OR5B2: variants seen among roughly 807,000 people sequenced by gnomAD.
OR5B2 encodes the protein olfactory receptor family 5 subfamily B member 2.
For missense variants in OR5B2, 411 were observed against 367.0 expected (o/e 1.12, Z -0.98); for synonymous variants, 163 against 140.8 (o/e 1.16, Z -1.11).
At position 58,426,599 on chromosome 11, in the gene OR5B2, G is replaced by A. The variant is rs140949651; in HGVS notation, c.-29+23C>T. 178 of 152,174 alleles carry A rather than the reference G, an allele frequency of 1.2e-3. 2 individuals carry two copies. The highest frequency in any genetic ancestry group is 4.0e-3 in the African/African-American group (166 of 41,536). 9.4% of individuals were successfully genotyped at this position (152,174 alleles called of 1,614,324 possible). On this transcript the variant is annotated intron_variant, in intron 2 of 2. Transcript: ENST00000641342. ...TCTATTACTACAACCTAAACAGACC[G>A]TAGAACAGAGCTAGAAACTTACCTT...
chr11:58,422,297 A>AT lies in OR5B2; in HGVS notation c.*34dup. The AT allele has an allele frequency of 7.3e-7, 1 of 1,373,456 alleles. No homozygotes were observed. Among genetic ancestry groups the AT allele is most frequent in the Non-Finnish European group, 1.0e-6 (1 of 977,234 alleles). 85.1% of individuals were successfully genotyped at this position (1,373,456 alleles called of 1,614,324 possible). On this transcript the variant is annotated 3_prime_UTR_variant, in exon 3 of 3. Transcript: ENST00000641342. ...GAAAGTCTGAGATGAGGGAAACAACATTTTTGTGTATACAACAATGTTAAA... is the reference window on the plus strand; with the variant it reads ...GAAAGTCTGAGATGAGGGAAACAACATTTTTTGTGTATACAACAATGTTAAA...
intron 2 of OR5B2, among the ~76,000 whole-genome samples, chr11:58,424,251 G>A (rs553810312): frequency 6.6e-6 from 1 of 152,220 alleles, no homozygotes; most frequent in South Asian, 2.1e-4. Context: ...TAATATTATC[G>A]TTAGAATGGA....
In OR5B2 at chr11:58,424,898, A is replaced by C. The variant is rs537375499; in HGVS notation, c.-28-1609T>G. ...ATGTGTGTGTTTGTGTGTGATAAGT[A>C]TTATTGTTATTACTATTTTACCATT... On this transcript the variant is annotated intron_variant, in intron 2 of 2. Transcript: ENST00000641342. 3.3e-5 allele frequency among the ~76,000 whole-genome samples: 5 copies of C among 152,250 alleles called. No individual in the cohort carries two copies. In the East Asian group the frequency reaches 9.6e-4, roughly 29 times the overall value.
At position 58,422,045 on chromosome 11, in the gene OR5B2, T is replaced by C. The variant is rs1007494782; in HGVS notation, c.*287A>G. The C allele has an allele frequency of 2.5e-5, 6 of 240,774 alleles. No individual in the cohort carries two copies. Among genetic ancestry groups the C allele is most frequent in the African/African-American group, 1.4e-4 (6 of 44,332 alleles). The allele number at this position is 240,774 out of a possible 1,614,324, so 14.9% of individuals were successfully genotyped here. A position where few individuals can be genotyped will look rare whatever the true frequency, so the allele number is the denominator to read the frequency against. On this transcript the variant is annotated 3_prime_UTR_variant, in exon 3 of 3. Coordinates refer to ENST00000641342, the MANE Select transcript of OR5B2 (RefSeq NM_001005566.3). ...TAACAAGTATGTTTGCACTGGAATGTGGTAGAAAAAATGCAAGGGGAACAA... is the reference window on the plus strand; with the variant it reads ...TAACAAGTATGTTTGCACTGGAATGCGGTAGAAAAAATGCAAGGGGAACAA...
chr11:58,427,980 T>C (rs993904217), intron 1 of OR5B2, 39 bp downstream of exon 1: 1 of 152,286 alleles, frequency 6.6e-6, no homozygotes, highest in African/African-American at 2.4e-5. Context: ...TGTCAGTCAC[T>C]GGTTTGTAGA....
chr11:58,427,027 C>T (rs1478044070), intron 1 of OR5B2, among the ~76,000 whole-genome samples: 2 of 146,766 alleles, frequency 1.4e-5, no homozygotes, highest in African/African-American at 4.9e-5. Flanking sequence ...ACACTGAGAT[C>T]AATAAATGAT....
At chr11:58,426,698 G>T (rs1046462526) in intron 1 of OR5B2, 22 bp from the exon 2 acceptor site, 2 of 152,218 alleles carry the variant, frequency 1.3e-5, no homozygotes, top group Non-Finnish European at 2.9e-5. Flanking sequence ...AGAAAGAAAA[G>T]CTCCTATTTA....
intron 2 of OR5B2, among the ~76,000 whole-genome samples, chr11:58,424,913 A>G (rs990647273): frequency 6.6e-6 from 1 of 152,138 alleles, no homozygotes; most frequent in Non-Finnish European, 1.5e-5. Flanking sequence ...TGTTATTACT[A>G]TTTTACCATT....
Position 58,423,142 on chromosome 11 carries a change from G to C in OR5B2, c.120C>G (p.Asn40Lys), listed in dbSNP as rs753148260. Reference protein sequence around the residue: ...TFIYLLTLCGNLGMMLLILMD... With the variant: ...TFIYLLTLCGKLGMMLLILMD... ...TCAGGATCAGCAACATCATCCCCAG[G>C]TTCCCACACAGAGTGAGGAGGTAGA... The change falls in exon 3 of 3, where the codon AAC (asparagine) becomes AAG (lysine). Residue 40 changes from asparagine to lysine, a missense_variant. Transcript: ENST00000641342. The C allele has an allele frequency of 1.9e-6, 3 of 1,613,646 alleles. No homozygotes were observed. Among genetic ancestry groups the C allele is most frequent in the Non-Finnish European group, 2.5e-6 (3 of 1,179,754 alleles).
Position 58,422,559 on chromosome 11 carries a change from C to CT in OR5B2, c.702dup (p.Ala235SerfsTer81). 1 of 1,613,676 alleles carries CT rather than the reference C, an allele frequency of 6.2e-7. No individual in the cohort carries two copies. Among genetic ancestry groups the CT allele is most frequent in the Non-Finnish European group, 8.5e-7 (1 of 1,179,794 alleles). On this transcript the variant is annotated frameshift_variant, in exon 3 of 3. Coordinates refer to ENST00000641342, the MANE Select transcript of OR5B2 (RefSeq NM_001005566.3). LOFTEE classifies it low-confidence loss of function (END_TRUNC). ...AAGTGAGAGGCACAGGTGGACAATG[C>CT]TTTTTGGTGTCCCTTAGCTGAATGC...
intron 2 of OR5B2, among the ~76,000 whole-genome samples, chr11:58,425,417 A>G (rs1353810439): frequency 2.0e-5 from 3 of 152,152 alleles, no homozygotes; most frequent in Non-Finnish European, 4.4e-5. Context: ...TAGTATCTAT[A>G]GCCGTCCCAC....
chr11:58,424,996 T>G (rs1855321288), intron 2 of OR5B2, among the ~76,000 whole-genome samples: 1 of 152,118 alleles, frequency 6.6e-6, no homozygotes, highest in Non-Finnish European at 1.5e-5. Context: ...CAGTCAAGAT[T>G]CACAATTGAA....
intron 2 of OR5B2, among the ~76,000 whole-genome samples, chr11:58,424,919 C>T (rs1023904711): frequency 3.9e-5 from 6 of 151,974 alleles, no homozygotes; most frequent in Admixed American, 1.3e-4. Flanking sequence ...TACTATTTTA[C>T]CATTATAAGA....
chr11:58,427,024 G>T (rs935306116), intron 1 of OR5B2, among the ~76,000 whole-genome samples: 1 of 146,764 alleles, frequency 6.8e-6, no homozygotes, highest in Non-Finnish European at 1.5e-5. Context: ...TTTACACTGA[G>T]ATCAATAAAT....
rs1391634920 is a variant in OR5B2, at chr11:58,426,603, A to G, written c.-29+19T>C. On this transcript the variant is annotated intron_variant, in intron 2 of 2. Transcript: ENST00000641342. ...TTACTACAACCTAAACAGACCGTAG[A>G]ACAGAGCTAGAAACTTACCTTGCTC... 4 of 152,164 alleles carry G rather than the reference A, an allele frequency of 2.6e-5. No individual in the cohort carries two copies. The highest frequency in any genetic ancestry group is 7.2e-5 in the African/African-American group (3 of 41,456). The allele number at this position is 152,164 out of a possible 1,614,324, so 9.4% of individuals were successfully genotyped here.
Position 58,422,560 on chromosome 11 carries a change from T to G in OR5B2, c.702A>C (p.Lys234Asn). 6.2e-7 allele frequency: 1 copy of G among 1,613,576 alleles called. No individual in the cohort carries two copies. The highest frequency in any genetic ancestry group is 1.1e-5 in the South Asian group (1 of 91,062). The stretch of plus-strand genomic sequence containing the variant: ...AGTGAGAGGCACAGGTGGACAATGC[T>G]TTTTGGTGTCCCTTAGCTGAATGCA... ...LKMHSAKGHQ[K>N]ALSTCASHFT... The change falls in exon 3 of 3, where the codon AAA (lysine) becomes AAC (asparagine). Residue 234 changes from lysine to asparagine, a missense_variant. By Grantham distance (94) the Lys-to-Asn change is moderately conservative (BLOSUM62 0). Transcript: ENST00000641342.
At position 58,422,369 on chromosome 11, in the gene OR5B2, G is replaced by C; in HGVS notation, c.893C>G (p.Ala298Gly). 6.2e-7 allele frequency: 1 copy of C among 1,610,594 alleles called. No homozygotes were observed. Among genetic ancestry groups the C allele is most frequent in the Non-Finnish European group, 8.5e-7 (1 of 1,177,378 alleles). Residue 298 changes from alanine (A) to glycine (G), a missense_variant, in exon 3 of 3, where the codon GCA (alanine) becomes GGA (glycine). By Grantham distance (60) the Ala-to-Gly change is moderately conservative (BLOSUM62 0). Transcript: ENST00000641342. ...TTGCCTTCTCAACACTTTCTTGAATGCATTCTGGACTTCTCTGTTCCTCAG... is the reference window on the plus strand; with the variant it reads ...TTGCCTTCTCAACACTTTCTTGAATCCATTCTGGACTTCTCTGTTCCTCAG... ...YSLRNREVQN[A>G]FKKVLRRQKF...
chr11:58,426,006 T>A (rs1855332520), intron 2 of OR5B2, among the ~76,000 whole-genome samples: 1 of 152,132 alleles, frequency 6.6e-6, no homozygotes, highest in East Asian at 1.9e-4. Context: ...CACAGAACCA[T>A]GTATTTTATA....
intron 1 of OR5B2, among the ~76,000 whole-genome samples, chr11:58,427,264 G>C (rs1010394520): frequency 6.6e-6 from 1 of 152,058 alleles, no homozygotes; most frequent in Non-Finnish European, 1.5e-5. Context: ...ATTTTCTTAG[G>C]AAGAACACCA....
Sources: gnomAD v4.1 joint callset for allele counts (sites outside exome capture counted in the v4.1 genomes callset) on GRCh38, gnomAD v4.1.1 for gene constraint, MANE v1.5 for transcripts, NCBI Gene and HGNC (gene_info 2026-07-23, HGNC 2026-07-21) for gene names.